The following CS variants were observed in gnomAD, a reference collection of about 807,000 sequenced individuals.
The protein encoded by CS is citrate synthase, also known as citrate synthase, mitochondrial.
Under a neutral mutation model 61.4 loss-of-function variants are expected in CS, and 13 were observed. That is an observed-to-expected ratio of 0.21 (90% CI 0.14 to 0.34). The LOEUF is 0.34. Ranked by LOEUF, CS falls within the 10% of genes least tolerant of loss-of-function variation. CS has a pLI of 1.00. For missense variants in CS, 278 were observed against 573.4 expected (o/e 0.48, Z 5.26); for synonymous variants, 159 against 215.2 (o/e 0.74, Z 2.29).
At chr12:56,277,285 G>A (rs1335675511) in intron 6 of CS, among the ~76,000 whole-genome samples, 2 of 150,974 alleles carry the variant, frequency 1.3e-5, no homozygotes, top group Non-Finnish European at 2.9e-5. Flanking sequence ...AGATCATGAG[G>A]TCAGGAGATC....
rs1592410697 is a variant in CS, at chr12:56,286,419, A to T, written c.93+176T>A. ...TCCCATCTCACTATACCACTGAGTAAATTATTTGTTAAATAGTAATATAAT... is the reference window on the plus strand; with the variant it reads ...TCCCATCTCACTATACCACTGAGTATATTATTTGTTAAATAGTAATATAAT... On this transcript the variant is annotated intron_variant, in intron 2 of 10. Transcript: ENST00000351328. 6.9e-6 allele frequency: 4 copies of T among 578,284 alleles called. No individual in the cohort carries two copies. In the South Asian group the frequency reaches 9.7e-5, roughly 14 times the overall value. 35.8% of individuals were successfully genotyped at this position (578,284 alleles called of 1,614,324 possible).
At position 56,285,202 on chromosome 12, in the gene CS, TCCCA is replaced by T. The variant is rs1329886672; in HGVS notation, c.201+710_201+713del. 3 of 415,690 alleles carry T rather than the reference TCCCA, an allele frequency of 7.2e-6. No individual in the cohort carries two copies. In the East Asian group the frequency reaches 2.6e-4, roughly 35 times the overall value. The allele number at this position is 415,690 out of a possible 1,614,324, so 25.8% of individuals were successfully genotyped here. On this transcript the variant is annotated intron_variant, in intron 3 of 10. Transcript: ENST00000351328. The stretch of plus-strand genomic sequence containing the variant: ...CTCAGATGAGCCACCCGCCTCAGCC[TCCCA>T]AAGTGCTGGGATTACAGGCATGAGC...
In CS at chr12:56,286,117, G is replaced by A. The variant is rs572266125; in HGVS notation, c.94-94C>T. The A allele has an allele frequency of 1.6e-3, 1,522 of 954,488 alleles. 5 individuals carry two copies. The highest frequency in any genetic ancestry group is 2.4e-3 in the Middle Eastern group (11 of 4,674). 59.1% of individuals were successfully genotyped at this position (954,488 alleles called of 1,614,324 possible). On this transcript the variant is annotated intron_variant, in intron 2 of 10. Coordinates refer to ENST00000351328, the MANE Select transcript of CS (RefSeq NM_004077.3). ...GTCAAGAATTTGCTTTTTAGAAGCTGGCTTTATCTGCCAGGGAAGTCTGGT... is the reference window on the plus strand; with the variant it reads ...GTCAAGAATTTGCTTTTTAGAAGCTAGCTTTATCTGCCAGGGAAGTCTGGT...
At position 56,277,480 on chromosome 12, in the gene CS, C is replaced by G. The variant is rs1872656370; in HGVS notation, c.589-1285G>C. ...TGCCACTGTACTCCAGCCTGGGCGA[C>G]AGAGTGAGACTCCGTCTCAAAAAAT... On this transcript the variant is annotated intron_variant, in intron 6 of 10. Coordinates refer to ENST00000351328, the MANE Select transcript of CS (RefSeq NM_004077.3). Among the ~76,000 whole-genome samples the G allele has an allele frequency of 2.7e-5, 4 of 150,498 alleles. No individual in the cohort carries two copies. In the South Asian group the frequency reaches 6.3e-4, roughly 24 times the overall value.
intron 4 of CS, 50 bp downstream of exon 4, chr12:56,283,742 T>A: frequency 7.1e-7 from 1 of 1,410,934 alleles, no homozygotes; most frequent in Non-Finnish European, 1.0e-6. Flanking sequence ...ACGGTTTGCG[T>A]ATTTGCACAA....
At chr12:56,275,155 G>A in intron 7 of CS, 24 bp from the exon 8 acceptor site, 1 of 1,613,424 alleles carries the variant, frequency 6.2e-7, no homozygotes, top group Non-Finnish European at 8.5e-7. Flanking sequence ...AGAAGGGAGA[G>A]CCAAGGGAAG....
chr12:56,282,932 C>T lies in CS; in HGVS notation c.327G>A (p.Lys109=). 6.2e-7 allele frequency: 1 copy of T among 1,614,188 alleles called. No individual in the cohort carries two copies. The highest frequency in any genetic ancestry group is 1.3e-5 in the African/African-American group (1 of 75,052). Residue 109 remains lysine (K), a synonymous_variant, in exon 5 of 11, where the codon AAG becomes AAA. Coordinates refer to ENST00000351328, the MANE Select transcript of CS (RefSeq NM_004077.3). ...PECQKLLPKA[K]GGEEPLPEGL... is the part of the protein sequence containing the mutation. Reference sequence around the variant, plus strand: ...CCTCAGGCAGGGGTTCTTCCCCACCCTTAGCCTTGGGTAGCAGTTTCTGGC... The same window carrying T: ...CCTCAGGCAGGGGTTCTTCCCCACCTTTAGCCTTGGGTAGCAGTTTCTGGC...
At chr12:56,278,734 G>GA (rs761606533) in intron 6 of CS, among the ~76,000 whole-genome samples, 1,724 of 136,108 alleles carry the variant, frequency 0.013, 10 homozygotes, top group Non-Finnish European at 0.018. Context: ...CTCTGTCTCG[G>GA]AAAAAAAAAA....
intron 1 of CS, among the ~76,000 whole-genome samples, chr12:56,296,732 C>T (rs1284162167): frequency 6.6e-6 from 1 of 152,106 alleles, no homozygotes; most frequent in Non-Finnish European, 1.5e-5. Flanking sequence ...GCTGCCTCCC[C>T]ATGCATTCAT....
intron 3 of CS, 152 bp from the exon 4 acceptor site, chr12:56,284,009 G>C: frequency 3.1e-6 from 2 of 635,420 alleles, no homozygotes; most frequent in South Asian, 3.8e-5. Flanking sequence ...GATGTCTGAG[G>C]AGTCAGCTTA....
intron 1 of CS, among the ~76,000 whole-genome samples, chr12:56,299,596 A>C (rs1266487462): frequency 6.6e-6 from 1 of 152,198 alleles, no homozygotes; most frequent in African/African-American, 2.4e-5. Flanking sequence ...AAGAGTCCCA[A>C]GGACAAAGAG....
At chr12:56,293,228 AT>A (rs1439184785) in intron 1 of CS, among the ~76,000 whole-genome samples, 2 of 152,070 alleles carry the variant, frequency 1.3e-5, no homozygotes, top group Non-Finnish European at 2.9e-5. Context: ...AAGAAGCCAA[AT>A]TTTCTTTGAT....
intron 1 of CS, among the ~76,000 whole-genome samples, chr12:56,295,839 A>G (rs2135926829): frequency 6.7e-6 from 1 of 150,264 alleles, no homozygotes; most frequent in South Asian, 2.1e-4. Context: ...CTACAGTCCC[A>G]GCTACTCAGG....
At chr12:56,294,186 G>T (rs537888683) in intron 1 of CS, among the ~76,000 whole-genome samples, 2 of 152,038 alleles carry the variant, frequency 1.3e-5, no homozygotes, top group East Asian at 3.9e-4. Flanking sequence ...AATAGTCACC[G>T]ATCACTGCTG....
At chr12:56,280,607 A>G (rs1379707141) in intron 6 of CS, among the ~76,000 whole-genome samples, 4 of 151,764 alleles carry the variant, frequency 2.6e-5, no homozygotes, top group African/African-American at 9.7e-5. Flanking sequence ...GGCCTGGGTG[A>G]TTAGAGAGAG....
At chr12:56,299,969 C>G in intron 1 of CS, 191 bp downstream of exon 1, 1 of 546,618 alleles carries the variant, frequency 1.8e-6, no homozygotes, top group Non-Finnish European at 3.2e-6. Flanking sequence ...TGCACTTCAC[C>G]CCCAGGAGCC....
chr12:56,288,346 ATTTTTTTT>A (rs1164867172), intron 1 of CS, among the ~76,000 whole-genome samples: 4 of 123,150 alleles, frequency 3.2e-5, no homozygotes, highest in South Asian at 2.5e-4. Flanking sequence ...GCTTTTTAGA[ATTTTTTTT>A]TTTTTTTTTT....
chr12:56,283,062 C>G, intron 4 of CS, 71 bp from the exon 5 acceptor site: 2 of 1,531,850 alleles, frequency 1.3e-6, no homozygotes, highest in Non-Finnish European at 9.0e-7. Context: ...TCTTACTCAT[C>G]AGACCTTACA....
chr12:56,290,236 G>A lies in CS; in HGVS notation c.43-3591C>T, dbSNP rs528255654. Among the ~76,000 whole-genome samples the A allele has an allele frequency of 1.5e-4, 23 of 151,280 alleles. No homozygotes were observed. The East Asian group carries it at 3.1e-3, about 21-fold the overall frequency. ...TGTTTGTTTGTTTGTTTTTGAGAAG[G>A]AGTCTCACACTGTCACCCAGGCTGG... On this transcript the variant is annotated intron_variant, in intron 1 of 10. Transcript: ENST00000351328.
Sources: gnomAD v4.1 joint callset for allele counts (sites outside exome capture counted in the v4.1 genomes callset) on GRCh38, gnomAD v4.1.1 for gene constraint, MANE v1.5 for transcripts, NCBI Gene and HGNC (gene_info 2026-07-23, HGNC 2026-07-21) for gene names.